CTNNA3: variants seen among roughly 807,000 people sequenced by gnomAD.
CTNNA3 encodes the protein catenin alpha-3.
Under a neutral mutation model 95.7 loss-of-function variants are expected in CTNNA3, and 76 were observed. That is an observed-to-expected ratio of 0.79 (90% confidence interval 0.66 to 0.96). The LOEUF is 0.96. Ranked by LOEUF, CTNNA3 falls within the 40% of genes least tolerant of loss-of-function variation. CTNNA3 has a pLI of 0.00. For synonymous variants in CTNNA3, 431 were observed against 374.4 expected, an observed-to-expected ratio of 1.15 and a Z score of -1.74; for missense variants, 1,191 against 1,089.8, an observed-to-expected ratio of 1.09 and a Z score of -1.31.
intron 5 of CTNNA3, among the ~76,000 whole-genome samples, chr10:67,501,166 C>CA (rs1839220268): frequency 6.6e-6 from 1 of 152,162 alleles, no homozygotes; most frequent in Admixed American, 6.5e-5. Context: ...CTGGTGGTGA[C>CA]AAAATCTCTC....
At chr10:67,285,056 C>T (rs1024705504) in intron 5 of CTNNA3, among the ~76,000 whole-genome samples, 1 of 152,134 alleles carries the variant, frequency 6.6e-6, no homozygotes, top group African/African-American at 2.4e-5. Flanking sequence ...TCAAGACTTA[C>T]TCCAAATAGA....
At chr10:67,639,528 C>A (rs1367603848) in intron 2 of CTNNA3, among the ~76,000 whole-genome samples, 1 of 152,094 alleles carries the variant, frequency 6.6e-6, no homozygotes, top group African/African-American at 2.4e-5. Context: ...CATCCTGATA[C>A]CAAAGCCTGG....
Position 66,691,130 on chromosome 10 carries a change from C to T in CTNNA3, c.1282-69346G>A, listed in dbSNP as rs140368878. Among the ~76,000 whole-genome samples the T allele has an allele frequency of 2.2e-3, 338 of 152,202 alleles. 8 individuals carry two copies. The East Asian group carries it at 0.044, about 20-fold the overall frequency. ...ACGCAGGACAGTGGGTGCAGTGCAC[C>T]GTGCATGAGCTGAAGCAGGGCAAGG... is the stretch of plus-strand genomic sequence containing the variant. On this transcript the variant is annotated intron_variant, in intron 9 of 17. Coordinates refer to ENST00000433211, the MANE Select transcript of CTNNA3 (RefSeq NM_013266.4).
chr10:66,274,714 AT>A (rs1310898521), intron 13 of CTNNA3, among the ~76,000 whole-genome samples: 7 of 152,094 alleles, frequency 4.6e-5, no homozygotes, highest in Non-Finnish European at 1.5e-5. Context: ...ATGCAGTTTG[AT>A]GAGTTTTGGC....
intron 12 of CTNNA3, among the ~76,000 whole-genome samples, chr10:66,351,303 A>G (rs2092564933): frequency 6.6e-6 from 1 of 152,060 alleles, no homozygotes; most frequent in Non-Finnish European, 1.5e-5. Context: ...ACAACAACCC[A>G]TGAGGTTGCT....
chr10:67,090,240 G>T (rs937231905), intron 7 of CTNNA3, among the ~76,000 whole-genome samples: 1 of 152,038 alleles, frequency 6.6e-6, no homozygotes, highest in African/African-American at 2.4e-5. Context: ...GTCAATATGT[G>T]TGTAGTAAGA....
chr10:67,346,145 C>G (rs1192298580), intron 5 of CTNNA3, among the ~76,000 whole-genome samples: 1 of 152,114 alleles, frequency 6.6e-6, no homozygotes, highest in Admixed American at 6.6e-5. Flanking sequence ...TGTTCCCTCA[C>G]TTTTTAACTT....
intron 7 of CTNNA3, among the ~76,000 whole-genome samples, chr10:66,848,317 C>T (rs1202855493): frequency 6.6e-6 from 1 of 152,122 alleles, no homozygotes; most frequent in Non-Finnish European, 1.5e-5. Flanking sequence ...TGCCTATAAG[C>T]ATCTTTTAAT....
At chr10:66,046,690 GA>G (rs1279785583) in intron 15 of CTNNA3, among the ~76,000 whole-genome samples, 4 of 151,522 alleles carry the variant, frequency 2.6e-5, no homozygotes, top group Non-Finnish European at 5.9e-5. Context: ...TTGGTTTTTT[GA>G]AAAAAATAAT....
At chr10:67,617,521 T>C (rs775348473) in intron 2 of CTNNA3, among the ~76,000 whole-genome samples, 2 of 152,192 alleles carry the variant, frequency 1.3e-5, no homozygotes, top group Non-Finnish European at 2.9e-5. Context: ...TATATTTAGG[T>C]TGATTCCATG....
intron 2 of CTNNA3, among the ~76,000 whole-genome samples, chr10:67,644,554 A>C (rs1839645208): frequency 6.6e-6 from 1 of 152,060 alleles, no homozygotes; most frequent in Non-Finnish European, 1.5e-5. Context: ...TGGGTTATAC[A>C]TGATCAAAGT....
At chr10:67,669,267 A>C (rs1392727569) in intron 1 of CTNNA3, among the ~76,000 whole-genome samples, 1 of 152,180 alleles carries the variant, frequency 6.6e-6, no homozygotes, top group Non-Finnish European at 1.5e-5. Context: ...ATATGCAAAT[A>C]GTTATGTCCC....
intron 9 of CTNNA3, among the ~76,000 whole-genome samples, chr10:66,711,610 G>A (rs959158978): frequency 2.0e-5 from 3 of 151,926 alleles, no homozygotes; most frequent in Non-Finnish European, 4.4e-5. Context: ...GTGCAATGGC[G>A]TGATCTTGGC....
chr10:66,380,648 T>C (rs1428758036), intron 11 of CTNNA3, among the ~76,000 whole-genome samples: 1 of 148,924 alleles, frequency 6.7e-6, no homozygotes, highest in African/African-American at 2.4e-5. Flanking sequence ...TATATTAAAT[T>C]AATTATATAT....
intron 5 of CTNNA3, among the ~76,000 whole-genome samples, chr10:67,433,496 A>G (rs2132905305): frequency 6.6e-6 from 1 of 152,230 alleles, no homozygotes; most frequent in Admixed American, 6.6e-5. Context: ...ACACTTGCTC[A>G]ATACAGAGTT....
intron 7 of CTNNA3, among the ~76,000 whole-genome samples, chr10:66,843,778 T>A (rs1443868364): frequency 1.3e-5 from 2 of 152,204 alleles, no homozygotes; most frequent in Non-Finnish European, 2.9e-5. Context: ...CTTCAGGCAA[T>A]TTTTTTCATT....
intron 7 of CTNNA3, among the ~76,000 whole-genome samples, chr10:67,074,641 C>T (rs1015985021): frequency 3.9e-5 from 6 of 152,096 alleles, no homozygotes; most frequent in African/African-American, 7.2e-5. Flanking sequence ...TGAGCCACCG[C>T]GCCCAACCCA....
At chr10:67,706,672 C>A (rs1841080760) in intron 1 of CTNNA3, among the ~76,000 whole-genome samples, 1 of 152,032 alleles carries the variant, frequency 6.6e-6, no homozygotes, top group African/African-American at 2.4e-5. Context: ...CTTTAAAGAA[C>A]TAAAAATGGC....
intron 7 of CTNNA3, among the ~76,000 whole-genome samples, chr10:66,917,216 T>A (rs1313382836): frequency 6.6e-6 from 1 of 152,216 alleles, no homozygotes; most frequent in East Asian, 1.9e-4. Context: ...ATTTTATTTT[T>A]ATTAAGGATC....
Sources: allele counts gnomAD v4.1 joint callset (sites outside exome capture counted in the v4.1 genomes callset), GRCh38; gene constraint gnomAD v4.1.1; transcripts MANE v1.5; gene names NCBI Gene and HGNC (gene_info 2026-07-23, HGNC 2026-07-21).